EVC: variants seen among roughly 807,000 people sequenced by gnomAD.
EVC encodes the protein evC complex member EVC.
In EVC, 116 loss-of-function variants were observed where a neutral mutation model predicts 118.9. The observed-to-expected ratio is 0.98, with a 90% CI of 0.84 to 1.14. The LOEUF (loss-of-function observed/expected upper bound fraction) is 1.14, where lower values mean the gene tolerates loss of function less well. Among genes scored for constraint, EVC ranks in the 50% most tolerant of loss-of-function variants. EVC has a pLI of 0.00. For synonymous variants in EVC, 619 were observed against 534.7 expected (o/e 1.16, Z -2.18); for missense variants, 1,401 against 1,246.4 (o/e 1.12, Z -1.87).
chr4:5,768,324 T>C (rs1249619457), intron 11 of EVC, among the ~76,000 whole-genome samples: 1 of 152,006 alleles, frequency 6.6e-6, no homozygotes, highest in Non-Finnish European at 1.5e-5. Flanking sequence ...AAACAGACTG[T>C]AGGGGCAGAG....
chr4:5,733,446 A>C lies in EVC; in HGVS notation c.702+11A>C. ...CAGGAAAAGCATATGGTAGGTGGAGATGTTCGCATTCCCTCCTTTTCATGG... is the reference window on the plus strand; with the variant it reads ...CAGGAAAAGCATATGGTAGGTGGAGCTGTTCGCATTCCCTCCTTTTCATGG... On this transcript the variant is annotated intron_variant, in intron 5 of 20. Transcript: ENST00000264956. 6.2e-7 allele frequency: 1 copy of C among 1,610,810 alleles called. No individual in the cohort carries two copies. Among genetic ancestry groups the C allele is most frequent in the South Asian group, 1.1e-5 (1 of 91,026 alleles).
intron 11 of EVC, among the ~76,000 whole-genome samples, chr4:5,771,282 C>A (rs1392351619): frequency 6.6e-6 from 1 of 152,112 alleles, no homozygotes; most frequent in African/African-American, 2.4e-5. Flanking sequence ...TTCTAAAGGC[C>A]ACCCACATTC....
intron 11 of EVC, among the ~76,000 whole-genome samples, chr4:5,769,725 G>A (rs1017688769): frequency 6.6e-6 from 1 of 152,158 alleles, no homozygotes; most frequent in African/African-American, 2.4e-5. Context: ...AAGGCTCTGG[G>A]AGAAGGTGGT....
chr4:5,793,854 A>T, intron 13 of EVC, 137 bp downstream of exon 13: 1 of 723,548 alleles, frequency 1.4e-6, no homozygotes, highest in Non-Finnish European at 2.5e-6. Flanking sequence ...AACGTTTCTT[A>T]GCCTCGATTT....
chr4:5,752,140 G>T (rs929026506), intron 8 of EVC, among the ~76,000 whole-genome samples: 4 of 152,072 alleles, frequency 2.6e-5, no homozygotes, highest in Admixed American at 2.0e-4. Context: ...GGCTGGGAGT[G>T]GGGGGTGCAG....
In EVC at chr4:5,753,838, G is replaced by A. The variant is rs141859946; in HGVS notation, c.1369G>A (p.Glu457Lys). Residue 457 changes from glutamate (E) to lysine (K), a missense_variant, in exon 10 of 21, where the codon GAG (glutamate) becomes AAG (lysine). Glu to Lys is a moderately conservative substitution (Grantham distance 56, BLOSUM62 1). Transcript: ENST00000264956. ...LVTASLAHQVEGTAKLTLAQE... is the reference protein window; with the variant it reads ...LVTASLAHQVKGTAKLTLAQE... ...CACGGCGTCTCTGGCTCACCAGGTG[G>A]AGGGAACGGCAAAACTCACGCTGGC... 4,262 of 1,614,114 alleles carry A rather than the reference G, an allele frequency of 2.6e-3. 8 individuals are homozygous for A. Among genetic ancestry groups the A allele is most frequent in the Middle Eastern group, 0.012 (72 of 6,026 alleles).
At chr4:5,724,698 T>C (rs1353740378) in intron 2 of EVC, among the ~76,000 whole-genome samples, 5 of 89,198 alleles carry the variant, frequency 5.6e-5, no homozygotes, top group African/African-American at 2.4e-4. Flanking sequence ...GTTTTCCCTG[T>C]TATTTTTTTT....
In EVC at chr4:5,719,216, T is replaced by A. The variant is rs1306103172; in HGVS notation, c.175-32T>A. The A allele has an allele frequency of 6.2e-7, 1 of 1,613,816 alleles. No homozygotes were observed. Among genetic ancestry groups the A allele is most frequent in the African/African-American group, 1.3e-5 (1 of 74,930 alleles). On this transcript the variant is annotated intron_variant, in intron 1 of 20. Coordinates refer to ENST00000264956, the MANE Select transcript of EVC (RefSeq NM_153717.3). The surrounding 1 kb of genome is among the most constrained non-coding windows in gnomAD (Gnocchi z 4.7). ...GACTGACCTCAATGTTGTGTTTCTATCCACCCCCAACTCCTGACCTTCGGG... is the reference window on the plus strand; with the variant it reads ...GACTGACCTCAATGTTGTGTTTCTAACCACCCCCAACTCCTGACCTTCGGG...
At chr4:5,827,693 T>G in the EVC span, among the ~76,000 whole-genome samples, 1 of 151,084 alleles carries the variant, frequency 6.6e-6, no homozygotes, top group South Asian at 2.1e-4. Flanking sequence ...CATGTACACA[T>G]GCACACATGA....
chr4:5,777,775 G>A (rs1398340912), intron 11 of EVC, among the ~76,000 whole-genome samples: 2 of 152,074 alleles, frequency 1.3e-5, no homozygotes, highest in African/African-American at 4.8e-5. Flanking sequence ...GTCAGGGTTG[G>A]CGATGAGCTT....
chr4:5,773,658 G>A (rs1734310790), intron 11 of EVC, among the ~76,000 whole-genome samples: 1 of 152,102 alleles, frequency 6.6e-6, no homozygotes, highest in South Asian at 2.1e-4. Context: ...CATAGTCCCT[G>A]CAGGTTTGTA....
intron 6 of EVC, among the ~76,000 whole-genome samples, chr4:5,744,062 C>T (rs1247386704): frequency 6.6e-6 from 1 of 152,160 alleles, no homozygotes; most frequent in Non-Finnish European, 1.5e-5. Context: ...ATAGTGGCTA[C>T]TATTTGTTGA....
chr4:5,807,853 A>G (rs1716177439), intron 17 of EVC, among the ~76,000 whole-genome samples: 2 of 152,070 alleles, frequency 1.3e-5, no homozygotes, highest in South Asian at 4.1e-4. Flanking sequence ...CTGCTCCGCC[A>G]CTTCACAGAC....
rs144300291 is a variant in EVC, at chr4:5,718,151, T to C, written c.175-1097T>C. Among the ~76,000 whole-genome samples the C allele has an allele frequency of 3.0e-3, 459 of 152,336 alleles. 1 individual carries two copies. Among genetic ancestry groups the C allele is most frequent in the African/African-American group, 0.01 (433 of 41,574 alleles). ...CTACTCTCCTTATTCATGGTAGTTA[T>C]GTTCTGTAAACTCACTGAGAACACA... On this transcript the variant is annotated intron_variant, in intron 1 of 20. Coordinates refer to ENST00000264956, the MANE Select transcript of EVC (RefSeq NM_153717.3).
At chr4:5,752,431 A>G (rs180980696) in intron 8 of EVC, among the ~76,000 whole-genome samples, 38 of 152,204 alleles carry the variant, frequency 2.5e-4, no homozygotes, top group African/African-American at 6.0e-4. Flanking sequence ...AAAAGCCAGG[A>G]ACTGCTGGCA....
At chr4:5,760,425 C>A (rs1025467966) in intron 11 of EVC, among the ~76,000 whole-genome samples, 1 of 151,922 alleles carries the variant, frequency 6.6e-6, no homozygotes, top group African/African-American at 2.4e-5. Flanking sequence ...ACAGGTGTGA[C>A]GAGGGGTGAT....
chr4:5,740,470 C>CA (rs59318619), intron 5 of EVC, among the ~76,000 whole-genome samples: 1,198 of 105,242 alleles, frequency 0.011, 7 homozygotes, highest in African/African-American at 0.03. Flanking sequence ...TACTCCATCT[C>CA]AAAAAAAAAA....
chr4:5,728,226 G>C (rs972302375), intron 2 of EVC, among the ~76,000 whole-genome samples: 6 of 152,074 alleles, frequency 3.9e-5, no homozygotes, highest in African/African-American at 7.2e-5. Flanking sequence ...TCTTCCATTT[G>C]TTTGTATCCT....
chr4:5,815,646 G>A (rs1717554287), downstream of EVC, among the ~76,000 whole-genome samples: 1 of 152,168 alleles, frequency 6.6e-6, no homozygotes, highest in Non-Finnish European at 1.5e-5. Flanking sequence ...CCCTTGTGCT[G>A]TCCCCCAGAG....
Sources: allele counts gnomAD v4.1 joint callset (sites outside exome capture counted in the v4.1 genomes callset), GRCh38; gene constraint gnomAD v4.1.1; non-coding constraint Gnocchi (gnomAD v3.1); transcripts MANE v1.5; gene names NCBI Gene and HGNC (gene_info 2026-07-23, HGNC 2026-07-21).